Variants in BFAR observed in about 807,000 individuals in gnomAD.
BFAR encodes the protein bifunctional apoptosis regulator.
A neutral mutation model predicts 54.4 loss-of-function variants in BFAR; 52 were observed. That is an observed-to-expected ratio of 0.96 (90% CI 0.77 to 1.21). The LOEUF (loss-of-function observed/expected upper bound fraction) is 1.21, where lower values mean the gene tolerates loss of function less well. BFAR is among the 50% of genes most tolerant of loss of function. BFAR has a pLI of 0.00. For missense variants in BFAR, 571 were observed against 534.0 expected (o/e 1.07, Z -0.68); for synonymous variants, 215 against 204.3 (o/e 1.05, Z -0.45).
At chr16:14,641,692 A>G (rs539241123) in intron 1 of BFAR, among the ~76,000 whole-genome samples, 2 of 152,210 alleles carry the variant, frequency 1.3e-5, no homozygotes, top group Admixed American at 1.3e-4. Context: ...TGAAACCCCC[A>G]TCTCGACTAA....
At chr16:14,656,351 C>T (rs1288281276) in intron 5 of BFAR, among the ~76,000 whole-genome samples, 1 of 152,098 alleles carries the variant, frequency 6.6e-6, no homozygotes, top group Non-Finnish European at 1.5e-5. Context: ...CATGGCAAGA[C>T]CCCATCTCTA....
chr16:14,648,398 GA>G lies in BFAR; in HGVS notation c.278del (p.Lys93SerfsTer9). On this transcript the variant is annotated frameshift_variant, in exon 3 of 8. Transcript: ENST00000261658. LOFTEE classifies it high-confidence loss of function. ...KVSILLRDAIEKLFPDAIRLR... is the reference protein window; with the variant it reads ...KVSILLRDAIXKLFPDAIRLR... ...TTCTATTCTCCATAGGGATGCCATTGAAAAGTTATTTCCTGATGCCATTAGA... is the reference window on the plus strand; with the variant it reads ...TTCTATTCTCCATAGGGATGCCATTGAAAGTTATTTCCTGATGCCATTAGA... 1 of 1,611,608 alleles carries G rather than the reference GA, an allele frequency of 6.2e-7. No individual in the cohort carries two copies. Among genetic ancestry groups the G allele is most frequent in the Non-Finnish European group, 8.5e-7 (1 of 1,178,134 alleles).
intron 1 of BFAR, among the ~76,000 whole-genome samples, chr16:14,644,039 T>G (rs1196395886): frequency 6.6e-6 from 1 of 151,740 alleles, no homozygotes; most frequent in Non-Finnish European, 1.5e-5. Context: ...GGGTTGCACC[T>G]GTAGTCCCAG....
At chr16:14,639,925 G>A (rs944960631) in intron 1 of BFAR, among the ~76,000 whole-genome samples, 3 of 152,060 alleles carry the variant, frequency 2.0e-5, no homozygotes, top group Admixed American at 6.6e-5. Flanking sequence ...TTGGGAGGTC[G>A]CGGTAGGCAG....
intron 1 of BFAR, among the ~76,000 whole-genome samples, chr16:14,638,937 T>A (rs1443727429): frequency 1.3e-5 from 2 of 151,692 alleles, no homozygotes; most frequent in African/African-American, 4.8e-5. Context: ...AGAGTAAGAC[T>A]TGTCTCAAAA....
chr16:14,651,545 A>G (rs561063256), intron 4 of BFAR, among the ~76,000 whole-genome samples: 4 of 152,050 alleles, frequency 2.6e-5, no homozygotes, highest in African/African-American at 9.6e-5. Flanking sequence ...GCAGTGGCAC[A>G]ACCTCAACTC....
intron 7 of BFAR, 100 bp from the exon 8 acceptor site, chr16:14,667,535 G>C: frequency 5.4e-6 from 6 of 1,117,736 alleles, no homozygotes; most frequent in Non-Finnish European, 7.8e-6. Flanking sequence ...AGCACGGGCA[G>C]CCATGCTCTT....
intron 2 of BFAR, 23 bp from the exon 3 acceptor site, chr16:14,648,365 T>G (rs964661178): frequency 2.0e-6 from 3 of 1,486,384 alleles, no homozygotes; most frequent in Non-Finnish European, 2.8e-6. Context: ...ACTGTCTTAA[T>G]TTTTTTTTTC....
rs761682800 is a variant in BFAR, at chr16:14,661,984, C to G, written c.876C>G (p.Thr292=). The G allele has an allele frequency of 3.7e-6, 6 of 1,614,158 alleles. No individual in the cohort carries two copies. The Admixed American group carries it at 5.0e-5, about 13-fold the overall frequency. The change falls in exon 6 of 8, where the codon ACC becomes ACG. Residue 292 remains threonine, a synonymous_variant. Coordinates refer to ENST00000261658, the MANE Select transcript of BFAR (RefSeq NM_016561.3). ...SLLYLYLFDY[T]DTFLPFIHTI... is the part of the protein sequence containing the mutation. ...TCTACCTGTACCTGTTTGACTACAC[C>G]GACACCTTCCTACCTTTCATCCACA...
At chr16:14,651,014 T>C (rs1959952463) in intron 4 of BFAR, among the ~76,000 whole-genome samples, 1 of 152,202 alleles carries the variant, frequency 6.6e-6, no homozygotes, top group African/African-American at 2.4e-5. Context: ...ATCACAAGAA[T>C]CAACACAGAA....
chr16:14,649,386 A>G lies in BFAR; in HGVS notation c.469-418A>G, dbSNP rs1031526381. On this transcript the variant is annotated intron_variant, in intron 3 of 7. Transcript: ENST00000261658. ...CCACCACGCCTGGACCTCCTTGGTAATACAGTCTTAAGAACCCACCAGTTT... is the reference window on the plus strand; with the variant it reads ...CCACCACGCCTGGACCTCCTTGGTAGTACAGTCTTAAGAACCCACCAGTTT... Among the ~76,000 whole-genome samples the G allele has an allele frequency of 1.1e-4, 16 of 152,258 alleles. No homozygotes were observed. The South Asian group carries it at 1.2e-3, about 12-fold the overall frequency.
At chr16:14,662,907 A>G (rs982897725) in intron 6 of BFAR, among the ~76,000 whole-genome samples, 4 of 152,160 alleles carry the variant, frequency 2.6e-5, no homozygotes, top group Non-Finnish European at 4.4e-5. Context: ...TTAAGGGCTC[A>G]CAACTCTAAG....
chr16:14,644,724 C>T (rs1326593331), intron 2 of BFAR, 115 bp downstream of exon 2: 3 of 1,284,262 alleles, frequency 2.3e-6, no homozygotes, highest in Non-Finnish European at 3.2e-6. Context: ...CCAGGCTGGT[C>T]TCAAACTCCT....
At chr16:14,659,997 CTACT>C (rs1236018169) in intron 5 of BFAR, among the ~76,000 whole-genome samples, 2 of 152,100 alleles carry the variant, frequency 1.3e-5, no homozygotes, top group Non-Finnish European at 2.9e-5. Flanking sequence ...TGATATACAC[CTACT>C]TAAAGTGTAC....
chr16:14,652,400 C>CT (rs1959996630), intron 4 of BFAR, among the ~76,000 whole-genome samples: 3 of 151,958 alleles, frequency 2.0e-5, no homozygotes, highest in African/African-American at 7.2e-5. Flanking sequence ...CCTGCCTCAG[C>CT]TTCCCGAGTA....
chr16:14,668,139 G>C lies in BFAR; in HGVS notation c.*312G>C. On this transcript the variant is annotated 3_prime_UTR_variant, in exon 8 of 8. Coordinates refer to ENST00000261658, the MANE Select transcript of BFAR (RefSeq NM_016561.3). ...CTGGCAAGACTCAGGGTCCTCAGTG[G>C]ACATGGTGTGGGTGACATCAGAAGG... The C allele has an allele frequency of 2.7e-6, 1 of 375,924 alleles. No individual in the cohort carries two copies. The highest frequency in any genetic ancestry group is 4.8e-6 in the Non-Finnish European group (1 of 206,490). The allele number at this position is 375,924 out of a possible 1,614,324, so 23.3% of individuals were successfully genotyped here.
At chr16:14,664,827 T>G in intron 6 of BFAR, 42 bp from the exon 7 acceptor site, 3 of 1,561,354 alleles carry the variant, frequency 1.9e-6, no homozygotes, top group Non-Finnish European at 2.6e-6. Flanking sequence ...TGTGTAAAAG[T>G]CAGTCCTCAT....
intron 5 of BFAR, among the ~76,000 whole-genome samples, chr16:14,657,730 C>T (rs899521515): frequency 2.0e-5 from 3 of 151,720 alleles, no homozygotes; most frequent in South Asian, 2.1e-4. Context: ...TTAGTAGAGG[C>T]GGAGTTTTGC....
intron 7 of BFAR, among the ~76,000 whole-genome samples, chr16:14,666,768 T>G (rs1960452710): frequency 1.3e-5 from 2 of 152,156 alleles, no homozygotes; most frequent in Admixed American, 1.3e-4. Flanking sequence ...CTCATTTCTT[T>G]CCATTTAGCA....
Sources: gnomAD v4.1 joint callset for allele counts (sites outside exome capture counted in the v4.1 genomes callset) on GRCh38, gnomAD v4.1.1 for gene constraint, MANE v1.5 for transcripts, NCBI Gene and HGNC (gene_info 2026-07-23, HGNC 2026-07-21) for gene names.